PTPN1: variants seen among roughly 807,000 people sequenced by gnomAD.
PTPN1 encodes the protein protein tyrosine phosphatase non-receptor type 1.
A neutral mutation model predicts 59.9 loss-of-function variants in PTPN1; 12 were observed. That is an observed-to-expected ratio of 0.20 (90% CI 0.13 to 0.32). The LOEUF (loss-of-function observed/expected upper bound fraction) is 0.32. PTPN1 is among the 10% of genes least tolerant of loss of function. PTPN1 has a pLI of 1.00. For missense variants in PTPN1, 356 were observed against 549.2 expected, an observed-to-expected ratio of 0.65 and a Z score of 3.52; for synonymous variants, 178 against 203.6, an observed-to-expected ratio of 0.87 and a Z score of 1.07.
intron 1 of PTPN1, among the ~76,000 whole-genome samples, chr20:50,541,444 C>T (rs979662211): frequency 4.6e-5 from 7 of 152,188 alleles, no homozygotes; most frequent in South Asian, 4.1e-4. Flanking sequence ...CTACGAGTGT[C>T]GGCTCCTTTG....
chr20:50,540,916 T>C (rs760750254), intron 1 of PTPN1, among the ~76,000 whole-genome samples: 1 of 152,170 alleles, frequency 6.6e-6, no homozygotes, highest in African/African-American at 2.4e-5. Context: ...CTATCTGGCT[T>C]GTTTCAGGGC....
chr20:50,530,061 G>GA (rs1350508960), intron 1 of PTPN1, among the ~76,000 whole-genome samples: 1 of 151,816 alleles, frequency 6.6e-6, no homozygotes, highest in African/African-American at 2.4e-5. Context: ...TTTTAGTAGA[G>GA]ACAGGTTTCA....
At chr20:50,554,465 G>T (rs2082717456) in intron 1 of PTPN1, among the ~76,000 whole-genome samples, 1 of 150,706 alleles carries the variant, frequency 6.6e-6, no homozygotes, top group Admixed American at 6.6e-5. Flanking sequence ...AGAATTTGTT[G>T]CCAGCAGACT....
intron 1 of PTPN1, among the ~76,000 whole-genome samples, chr20:50,533,861 AT>A (rs202019139): frequency 2.0e-5 from 3 of 151,654 alleles, no homozygotes; most frequent in East Asian, 1.9e-4. Flanking sequence ...AGCTTCCGTG[AT>A]TTTTTTTTCT....
chr20:50,576,171 A>G (rs1351387650), intron 5 of PTPN1, among the ~76,000 whole-genome samples: 1 of 152,188 alleles, frequency 6.6e-6, no homozygotes, highest in Non-Finnish European at 1.5e-5. Flanking sequence ...CAGGAGTAAC[A>G]TGGGCAGTGT....
chr20:50,579,965 A>G (rs1165745890), intron 8 of PTPN1, 39 bp downstream of exon 8: 3 of 1,573,228 alleles, frequency 1.9e-6, no homozygotes, highest in Non-Finnish European at 2.6e-6. Context: ...GGTGAGGGGA[A>G]ATGACTTTCT....
chr20:50,512,405 A>G (rs531274657), intron 1 of PTPN1, among the ~76,000 whole-genome samples: 2 of 152,348 alleles, frequency 1.3e-5, no homozygotes, highest in African/African-American at 2.4e-5. Context: ...ATTTCTTACA[A>G]TTTTAAGCCA....
At chr20:50,551,324 G>T (rs767814525) in intron 1 of PTPN1, among the ~76,000 whole-genome samples, 8 of 152,206 alleles carry the variant, frequency 5.3e-5, no homozygotes, top group Non-Finnish European at 8.8e-5. Context: ...CTCAGCAGAT[G>T]CTTTGTTTAA....
intron 1 of PTPN1, among the ~76,000 whole-genome samples, chr20:50,541,445 G>A (rs1048271286): frequency 3.9e-5 from 6 of 152,104 alleles, no homozygotes; most frequent in African/African-American, 1.4e-4. Context: ...TACGAGTGTC[G>A]GCTCCTTTGA....
chr20:50,513,886 C>T (rs138666011), intron 1 of PTPN1, among the ~76,000 whole-genome samples: 1 of 151,684 alleles, frequency 6.6e-6, no homozygotes, highest in Admixed American at 6.6e-5. Context: ...CTATGACTCA[C>T]TTCACTTAAA....
intron 1 of PTPN1, among the ~76,000 whole-genome samples, chr20:50,550,577 T>C (rs552130345): frequency 6.6e-6 from 1 of 152,346 alleles, no homozygotes; most frequent in South Asian, 2.1e-4. Flanking sequence ...GGATCAGATA[T>C]TTGCTTATAC....
chr20:50,529,145 A>G (rs2082590149), intron 1 of PTPN1, among the ~76,000 whole-genome samples: 1 of 152,146 alleles, frequency 6.6e-6, no homozygotes, highest in Non-Finnish European at 1.5e-5. Context: ...CCCTGCCTCC[A>G]TGCCCTGCAC....
chr20:50,564,477 C>T (rs573155226), intron 2 of PTPN1, among the ~76,000 whole-genome samples: 1 of 152,208 alleles, frequency 6.6e-6, no homozygotes, highest in East Asian at 1.9e-4. Flanking sequence ...GCCTGTAATC[C>T]CAGCTACTCG....
intron 1 of PTPN1, among the ~76,000 whole-genome samples, chr20:50,542,833 C>T (rs569169100): frequency 2.3e-4 from 35 of 152,210 alleles, no homozygotes; most frequent in African/African-American, 7.7e-4. Flanking sequence ...TTATGTATTC[C>T]GTTCTAAGAA....
At chr20:50,558,608 A>G (rs1601406091) in intron 1 of PTPN1, among the ~76,000 whole-genome samples, 2 of 152,288 alleles carry the variant, frequency 1.3e-5, no homozygotes, top group African/African-American at 2.4e-5. Context: ...TGGTTGGTCT[A>G]TAGACTTGCC....
chr20:50,551,691 AACCTGTTTGTT>A (rs2082702833), intron 1 of PTPN1, among the ~76,000 whole-genome samples: 1 of 152,234 alleles, frequency 6.6e-6, no homozygotes. Context: ...ATCCGTAAAG[AACCTGTTTGTT>A]ACCTGTTGAT....
rs1555829975 is a variant in PTPN1 at position 50,554,380 on chromosome 20, A to ATCTCTCTCTCTCTCTCTCTCTCTCTCTC, written c.64-6982_64-6955dup. ...CCAGCCTAGGCAACAGCAAGACCAC[A>ATCTCTCTCTCTCTCTCTCTCTCTCTCTC]TCTCTCTCTCTCTCTCTCTCTCTCT... On this transcript the variant is annotated intron_variant, in intron 1 of 9. Transcript: ENST00000371621. 8.3e-4 allele frequency among the ~76,000 whole-genome samples: 116 copies of ATCTCTCTCTCTCTCTCTCTCTCTCTCTC among 140,260 alleles called. 2 individuals are homozygous for ATCTCTCTCTCTCTCTCTCTCTCTCTCTC. Among genetic ancestry groups the ATCTCTCTCTCTCTCTCTCTCTCTCTCTC allele is most frequent in the African/African-American group, 2.9e-3 (107 of 37,238 alleles). The allele number at this position is 140,260 out of a possible 152,430, so 92.0% of individuals were successfully genotyped here.
chr20:50,574,729 A>G (rs2122797047), intron 5 of PTPN1, 75 bp downstream of exon 5: 2 of 1,501,116 alleles, frequency 1.3e-6, no homozygotes, highest in African/African-American at 1.4e-5. Context: ...CTTGGGTGAT[A>G]TTACCTAATG....
chr20:50,549,845 T>C (rs951586744), intron 1 of PTPN1, among the ~76,000 whole-genome samples: 4 of 152,204 alleles, frequency 2.6e-5, no homozygotes. Context: ...AAAAATATTT[T>C]CCTAAGGTTT....
Sources: allele counts gnomAD v4.1 joint callset (sites outside exome capture counted in the v4.1 genomes callset), GRCh38; gene constraint gnomAD v4.1.1; transcripts MANE v1.5; gene names NCBI Gene and HGNC (gene_info 2026-07-23, HGNC 2026-07-21).